KIF1A: variants seen among roughly 807,000 people sequenced by gnomAD.
The protein encoded by KIF1A is kinesin-like protein KIF1A.
KIF1A carries 46 observed loss-of-function variants against 227.3 expected under a neutral mutation model. The observed-to-expected ratio is 0.20, with a 90% CI of 0.16 to 0.26. KIF1A has a LOEUF of 0.26. Ranked by LOEUF, KIF1A falls within the 10% of genes least tolerant of loss-of-function variation. KIF1A has a pLI of 1.00. For synonymous variants in KIF1A, 1,022 were observed against 1,012.8 expected, an observed-to-expected ratio of 1.01 and a Z score of -0.17; for missense variants, 1,683 against 2,485.9, an observed-to-expected ratio of 0.68 and a Z score of 6.87.
At chr2:240,786,594 G>A in intron 5 of KIF1A, 81 bp from the exon 6 acceptor site, 2 of 1,373,558 alleles carry the variant, frequency 1.5e-6, no homozygotes, top group African/African-American at 1.5e-5. Context: ...GAGTGAGGGG[G>A]TAGGGGTCAA....
At chr2:240,759,141 ATGAGTG>A (rs371000299) in intron 25 of KIF1A, among the ~76,000 whole-genome samples, 2,108 of 98,418 alleles carry the variant, frequency 0.021, 59 homozygotes, top group African/African-American at 0.087. Context: ...ATGAATGCTT[ATGAGTG>A]TGTGTGTGTG....
chr2:240,794,899 T>C (rs2056196135), intron 2 of KIF1A, among the ~76,000 whole-genome samples: 1 of 152,204 alleles, frequency 6.6e-6, no homozygotes, highest in Non-Finnish European at 1.5e-5. Flanking sequence ...TCTGTGGCTC[T>C]TCAGTTTCCC....
chr2:240,725,142 G>T lies in KIF1A; in HGVS notation c.4256+129C>A. On this transcript the variant is annotated intron_variant, in intron 40 of 48. Coordinates refer to ENST00000498729, the MANE Select transcript of KIF1A (RefSeq NM_001244008.2). This position sits in a 1 kb window ranked among gnomAD's most constrained non-coding sequence, Gnocchi z 5.8. ...GGGACTGAGCGCAGGGAGCCAGCCA[G>T]GAGTGTGGCTGGGCCTCGCACAGGG... The T allele has an allele frequency of 1.1e-6, 1 of 934,920 alleles. No homozygotes were observed. The highest frequency in any genetic ancestry group is 1.6e-6 in the Non-Finnish European group (1 of 618,638). 57.9% of individuals were successfully genotyped at this position (934,920 alleles called of 1,614,324 possible).
rs2052673006 is a variant in KIF1A, at chr2:240,775,962, CCA to C, written c.883-38_883-37del. The stretch of plus-strand genomic sequence containing the variant: ...GGAACATTCAAGGTCAAGCCCGAGC[CCA>C]CTGCAGAGGAAGCGAAAGGGAGGGG... On this transcript the variant is annotated intron_variant, in intron 10 of 48. Coordinates refer to ENST00000498729, the MANE Select transcript of KIF1A (RefSeq NM_001244008.2). This position sits in a 1 kb window ranked among gnomAD's most constrained non-coding sequence, Gnocchi z 5.5. 1 of 1,446,508 alleles carries C rather than the reference CCA, an allele frequency of 6.9e-7. No homozygotes were observed. The highest frequency in any genetic ancestry group is 9.7e-7 in the Non-Finnish European group (1 of 1,027,784). 89.6% of individuals were successfully genotyped at this position (1,446,508 alleles called of 1,614,324 possible).
At chr2:240,782,193 C>G (rs748939077) in intron 10 of KIF1A, 37 of 985,260 alleles carry the variant, frequency 3.8e-5, no homozygotes, top group Non-Finnish European at 4.3e-5. Flanking sequence ...GTGGCCCCGT[C>G]ACGCCTACGG....
At position 240,761,328 on chromosome 2, in the gene KIF1A, C is replaced by A. The variant is rs778690355; in HGVS notation, c.2166G>T (p.Lys722Asn). 4 of 1,613,544 alleles carry A rather than the reference C, an allele frequency of 2.5e-6. No individual in the cohort carries two copies. In the African/African-American group the frequency reaches 5.3e-5, roughly 22 times the overall value. Reference protein sequence around the residue: ...ECELALWAFRKWKWYQFTSLR... With the variant: ...ECELALWAFRNWKWYQFTSLR... The stretch of plus-strand genomic sequence containing the variant: ...GAGACGTGAACTGGTACCACTTCCA[C>A]TTCCGGAAGGCCCAGAGCGCCAGCT... Residue 722 changes from lysine to asparagine, a missense_variant, in exon 24 of 49, where the codon AAG becomes AAT. Around this residue, in one of 12 missense-constraint regions of KIF1A, gnomAD observed 217 missense variants for 427.0 expected, o/e 0.51. Transcript: ENST00000498729.
At chr2:240,724,524 A>G in intron 40 of KIF1A, 1 of 199,028 alleles carries the variant, frequency 5.0e-6, no homozygotes, top group South Asian at 9.0e-5. Context: ...GCCCTCAAGG[A>G]CACTGGATCC....
chr2:240,730,529 G>A (rs2046483113), intron 38 of KIF1A, among the ~76,000 whole-genome samples: 1 of 152,176 alleles, frequency 6.6e-6, no homozygotes, highest in Non-Finnish European at 1.5e-5. Context: ...ATCATCACAA[G>A]AGGAAACATG....
Position 240,752,075 on chromosome 2 carries a change from T to G in KIF1A, c.2859-1528A>C, listed in dbSNP as rs952630811. Among the ~76,000 whole-genome samples, 12 of 151,890 alleles carry G rather than the reference T, an allele frequency of 7.9e-5. No individual in the cohort carries two copies. The highest frequency in any genetic ancestry group is 3.9e-4 in the Admixed American group (6 of 15,270). The stretch of plus-strand genomic sequence containing the variant: ...AGGGTCTTGCTGCCCTCCAGGGGCC[T>G]GAAAGTCTCCTCAGGCCTCTCTCCG... On this transcript the variant is annotated intron_variant, in intron 27 of 48. Coordinates refer to ENST00000498729, the MANE Select transcript of KIF1A (RefSeq NM_001244008.2). The surrounding 1 kb of genome is among the most constrained non-coding windows in gnomAD (Gnocchi z 6.4).
chr2:240,767,325 C>T lies in KIF1A; in HGVS notation c.1518G>A (p.Leu506=). The change falls in exon 18 of 49, where the codon CTG becomes CTA. Residue 506 remains leucine (L), a synonymous_variant. Coordinates refer to ENST00000498729, the MANE Select transcript of KIF1A (RefSeq NM_001244008.2). ...ACTCAGACATCAGCGGGTCCTCGTT[C>T]AGGTTGACGAGGTGTGGTGTCTGCA... ...SPKKTPHLVN[L]NEDPLMSECL... The T allele has an allele frequency of 6.2e-7, 1 of 1,613,708 alleles. No individual in the cohort carries two copies. The highest frequency in any genetic ancestry group is 8.5e-7 in the Non-Finnish European group (1 of 1,179,818).
rs774513798 is a variant in KIF1A at position 240,750,553 on chromosome 2, G to C, written c.2859-6C>G. The C allele has an allele frequency of 6.2e-7, 1 of 1,607,544 alleles. No individual in the cohort carries two copies. The highest frequency in any genetic ancestry group is 8.5e-7 in the Non-Finnish European group (1 of 1,174,276). On this transcript the variant is annotated splice_region_variant and splice_polypyrimidine_tract_variant and intron_variant, in intron 27 of 48. Transcript: ENST00000498729. ...TGCTCAGGTACACGAAGGCCCTGGG[G>C]AGAAGCAGAGGCGGCGGTCATGGGC...
At chr2:240,722,383 G>C (rs1411677123) in intron 43 of KIF1A, 73 bp downstream of exon 43, 2 of 1,426,612 alleles carry the variant, frequency 1.4e-6, no homozygotes, top group East Asian at 2.5e-5. Context: ...CGGGTTGCTG[G>C]AGTTGCCCAG....
intron 5 of KIF1A, among the ~76,000 whole-genome samples, chr2:240,786,894 G>T (rs1171420688): frequency 6.6e-6 from 1 of 152,132 alleles, no homozygotes; most frequent in African/African-American, 2.4e-5. Context: ...CGAGGCAGGG[G>T]TGTCAATGTG....
chr2:240,734,633 G>C (rs550524972), intron 38 of KIF1A: 2 of 997,344 alleles, frequency 2.0e-6, no homozygotes, highest in African/African-American at 3.3e-5. Context: ...ACTTCTCAGG[G>C]GCATGGGGGG....
At chr2:240,754,352 G>GTGCTCTGC (rs111280091) in intron 27 of KIF1A, among the ~76,000 whole-genome samples, 1 of 151,524 alleles carries the variant, frequency 6.6e-6, no homozygotes, top group African/African-American at 2.4e-5. Flanking sequence ...CTAGTGCTGG[G>GTGCTCTGC]TGCTCTCCTC....
chr2:240,772,607 G>C lies in KIF1A; in HGVS notation c.1181-11C>G. On this transcript the variant is annotated splice_polypyrimidine_tract_variant and intron_variant, in intron 13 of 48. Coordinates refer to ENST00000498729, the MANE Select transcript of KIF1A (RefSeq NM_001244008.2). ...CAGGCACAGTGTTGGCTATGGGGGA[G>C]GGAAGCGTGGGGGAGGGGGAGAGAC... 1 of 1,539,598 alleles carries C rather than the reference G, an allele frequency of 6.5e-7. No homozygotes were observed. Among genetic ancestry groups the C allele is most frequent in the Non-Finnish European group, 8.8e-7 (1 of 1,137,280 alleles).
intron 27 of KIF1A, among the ~76,000 whole-genome samples, chr2:240,756,310 T>C (rs1401173650): frequency 2.0e-5 from 3 of 152,256 alleles, no homozygotes; most frequent in East Asian, 3.8e-4. Flanking sequence ...CATTCATATA[T>C]GTAAAATATA....
At chr2:240,747,497 C>T (rs1231674003) in intron 28 of KIF1A, among the ~76,000 whole-genome samples, 176 bp from the exon 29 acceptor site, 1 of 152,166 alleles carries the variant, frequency 6.6e-6, no homozygotes, top group East Asian at 1.9e-4. Context: ...CATGTCCCGG[C>T]ACACTGACCA....
intron 37 of KIF1A, among the ~76,000 whole-genome samples, chr2:240,738,689 G>A (rs959936982): frequency 9.2e-5 from 14 of 152,330 alleles, no homozygotes; most frequent in African/African-American, 3.1e-4. Context: ...TAGCATCCCT[G>A]ATCACCCAAC....
Sources: gnomAD v4.1 joint callset for allele counts (sites outside exome capture counted in the v4.1 genomes callset) on GRCh38, gnomAD v4.1.1 for gene constraint, gnomAD v4.1.1 regional missense constraint, Gnocchi (gnomAD v3.1) non-coding constraint, MANE v1.5 for transcripts, NCBI Gene and HGNC (gene_info 2026-07-23, HGNC 2026-07-21) for gene names.